DLGAP1: variants seen among roughly 807,000 people sequenced by gnomAD.
The protein encoded by DLGAP1 is disks large-associated protein 1.
DLGAP1 carries 11 observed loss-of-function variants against 90.8 expected under a neutral mutation model. That is an observed-to-expected ratio of 0.12 (90% CI 0.08 to 0.20). The LOEUF (loss-of-function observed/expected upper bound fraction) is 0.20, where lower values mean the gene tolerates loss of function less well. DLGAP1 is among the 10% of genes least tolerant of loss of function. The probability of loss-of-function intolerance (pLI) is 1.00; values close to 1 mark genes in which losing one functional copy is unlikely to be tolerated. For synonymous variants in DLGAP1, 558 were observed against 540.7 expected (o/e 1.03, Z -0.44); for missense variants, 1,050 against 1,333.8 (o/e 0.79, Z 3.31).
chr18:4,027,577 A>C (rs145535752), intron 2 of DLGAP1, among the ~76,000 whole-genome samples: 1 of 150,366 alleles, frequency 6.7e-6, no homozygotes, highest in Non-Finnish European at 1.5e-5. Flanking sequence ...GAGACGGCAC[A>C]CTTACCTAGT....
rs144835664 is a variant in DLGAP1 at position 3,715,910 on chromosome 18, G to A, written c.1591+13225C>T. Among the ~76,000 whole-genome samples the A allele has an allele frequency of 1.2e-4, 19 of 152,276 alleles. No individual in the cohort carries two copies. The East Asian group carries it at 3.3e-3, about 26-fold the overall frequency. Reference sequence around the variant, plus strand: ...TGCAAATTAACTGCCTCTGACATCTGAAGAGGGGGAAAAAAGCCCTACAAA... The same window carrying A: ...TGCAAATTAACTGCCTCTGACATCTAAAGAGGGGGAAAAAAGCCCTACAAA... On this transcript the variant is annotated intron_variant, in intron 7 of 12. Coordinates refer to ENST00000315677, the MANE Select transcript of DLGAP1 (RefSeq NM_004746.4).
chr18:4,320,962 G>GA (rs2080672281), intron 1 of DLGAP1, among the ~76,000 whole-genome samples: 1 of 152,100 alleles, frequency 6.6e-6, no homozygotes, highest in Non-Finnish European at 1.5e-5. Flanking sequence ...TTTCAGGATG[G>GA]AAAAATAGAC....
At position 3,835,721 on chromosome 18, in the gene DLGAP1, CATTGCATAT is replaced by C. The variant is rs559925442; in HGVS notation, c.958-21457_958-21449del. On this transcript the variant is annotated intron_variant, in intron 4 of 12. Transcript: ENST00000315677. ...TAGCTCTTCTGTAACCAGTCACAAT[CATTGCATAT>C]ATGAGGGCATCCCACATAAGTTTCA... Among the ~76,000 whole-genome samples, 6 of 151,566 alleles carry C rather than the reference CATTGCATAT, an allele frequency of 4.0e-5. No individual in the cohort carries two copies. The East Asian group carries it at 7.7e-4, about 20-fold the overall frequency.
At chr18:4,272,202 C>T (rs2079299902) in intron 1 of DLGAP1, among the ~76,000 whole-genome samples, 1 of 152,158 alleles carries the variant, frequency 6.6e-6, no homozygotes. Context: ...AATTCTTTGT[C>T]TACTTCTGTC....
At chr18:3,601,473 T>C (rs1361898737) in intron 7 of DLGAP1, among the ~76,000 whole-genome samples, 2 of 152,070 alleles carry the variant, frequency 1.3e-5, no homozygotes, top group East Asian at 3.9e-4. Context: ...TTTTAACTCA[T>C]CTTTTCCATT....
chr18:3,949,426 G>A (rs886813147), intron 3 of DLGAP1, among the ~76,000 whole-genome samples: 1 of 152,158 alleles, frequency 6.6e-6, no homozygotes, highest in Non-Finnish European at 1.5e-5. Flanking sequence ...TGGGTTCTGG[G>A]TACCTTTTCC....
chr18:4,203,932 T>C (rs551435858), intron 1 of DLGAP1, among the ~76,000 whole-genome samples: 89 of 152,358 alleles, frequency 5.8e-4, no homozygotes, highest in African/African-American at 2.0e-3. Flanking sequence ...ACTGAATTAA[T>C]GCTTCAGCTG....
chr18:3,550,733 C>CG (rs2053345012), intron 9 of DLGAP1, among the ~76,000 whole-genome samples: 1 of 124,192 alleles, frequency 8.1e-6, no homozygotes, highest in Non-Finnish European at 1.6e-5. Context: ...AGAACCAGAC[C>CG]CTTTTTTTTT....
intron 7 of DLGAP1, among the ~76,000 whole-genome samples, chr18:3,662,892 G>A (rs2059735426): frequency 6.6e-6 from 1 of 152,148 alleles, no homozygotes. Context: ...TTTTCATATT[G>A]AGAGGTCTTC....
intron 6 of DLGAP1, among the ~76,000 whole-genome samples, chr18:3,731,275 G>C (rs2062417056): frequency 6.6e-6 from 1 of 151,988 alleles, no homozygotes; most frequent in Non-Finnish European, 1.5e-5. Flanking sequence ...AAATATTTCT[G>C]TCAAGGTAAC....
intron 1 of DLGAP1, among the ~76,000 whole-genome samples, chr18:4,210,063 T>C (rs2077810535): frequency 2.6e-5 from 4 of 152,198 alleles, no homozygotes; most frequent in Admixed American, 2.6e-4. Flanking sequence ...TTCACATCCT[T>C]AGAAACTTCC....
chr18:4,140,687 A>T (rs1028154565), intron 2 of DLGAP1, among the ~76,000 whole-genome samples: 1 of 151,950 alleles, frequency 6.6e-6, no homozygotes, highest in Non-Finnish European at 1.5e-5. Flanking sequence ...TTTCTTTTGG[A>T]TTAAAGTACT....
chr18:3,905,943 C>G (rs1424588429), intron 3 of DLGAP1, among the ~76,000 whole-genome samples: 1 of 152,154 alleles, frequency 6.6e-6, no homozygotes, highest in South Asian at 2.1e-4. Context: ...GTCCTTGAAC[C>G]CTTTTGAAGA....
Position 4,357,157 on chromosome 18 carries a change from CTTTTTT to C in DLGAP1, c.-267+97843_-267+97848del, listed in dbSNP as rs554248097. 4.6e-5 allele frequency among the ~76,000 whole-genome samples: 5 copies of C among 108,708 alleles called. No homozygotes were observed. The South Asian group carries it at 9.9e-4, about 22-fold the overall frequency. The allele number at this position is 108,708 out of a possible 152,430, so 71.3% of individuals were successfully genotyped here. On this transcript the variant is annotated intron_variant, in intron 1 of 12. Transcript: ENST00000315677. ...TTTGTTCTTTCTCTTTGTTTTTTTC[CTTTTTT>C]TTTTTTTTTTTTGACAGGCTCACTC...
chr18:4,029,030 C>A (rs893728785), intron 2 of DLGAP1, among the ~76,000 whole-genome samples: 2 of 152,134 alleles, frequency 1.3e-5, no homozygotes, highest in Non-Finnish European at 2.9e-5. Flanking sequence ...CTCACCTTCT[C>A]CATAGTAACC....
At chr18:3,955,902 C>T (rs2073075560) in intron 3 of DLGAP1, among the ~76,000 whole-genome samples, 1 of 152,140 alleles carries the variant, frequency 6.6e-6, no homozygotes, top group South Asian at 2.1e-4. Flanking sequence ...AAATAAAACA[C>T]ATAGAAAAAA....
chr18:4,408,181 T>C (rs72866309), intron 1 of DLGAP1, among the ~76,000 whole-genome samples: 13,249 of 152,126 alleles, frequency 0.087, 913 homozygotes, highest in Non-Finnish European at 0.13. Context: ...CAAAGAAAAG[T>C]TATTCTTGAT....
chr18:3,865,521 T>C (rs2070328717), intron 4 of DLGAP1, among the ~76,000 whole-genome samples: 1 of 152,238 alleles, frequency 6.6e-6, no homozygotes. Flanking sequence ...CACCTAATCA[T>C]AGAAGTAGAA....
chr18:3,578,269 A>C (rs549739730), intron 8 of DLGAP1, among the ~76,000 whole-genome samples: 13 of 152,306 alleles, frequency 8.5e-5, no homozygotes, highest in South Asian at 4.1e-4. Flanking sequence ...GCATGGAAGG[A>C]AGTCTAAGAT....
Sources: gnomAD v4.1 joint callset for allele counts (sites outside exome capture counted in the v4.1 genomes callset) on GRCh38, gnomAD v4.1.1 for gene constraint, MANE v1.5 for transcripts, NCBI Gene and HGNC (gene_info 2026-07-23, HGNC 2026-07-21) for gene names.